Variants in DNAJC1 observed in about 807,000 individuals in gnomAD.
DNAJC1 encodes the protein DnaJ heat shock protein family (Hsp40) member C1.
In DNAJC1, 58 loss-of-function variants were observed where a neutral mutation model predicts 76.6. The ratio of observed to expected loss-of-function variants is 0.76; its 90% confidence interval spans 0.61 to 0.94. The LOEUF is 0.94. Among genes scored for constraint, DNAJC1 ranks in the 40% least tolerant of loss-of-function variants. The pLI is 0.00. For synonymous variants in DNAJC1, 258 were observed against 267.9 expected (o/e 0.96, Z 0.36); for missense variants, 689 against 677.3 (o/e 1.02, Z -0.19).
chr10:21,875,044 C>T (rs1051979849), intron 8 of DNAJC1, among the ~76,000 whole-genome samples: 3 of 152,080 alleles, frequency 2.0e-5, no homozygotes, highest in Non-Finnish European at 4.4e-5. Flanking sequence ...CCACACACGG[C>T]TATTTTTTGT....
At chr10:21,998,932 C>A (rs1370936752) in intron 1 of DNAJC1, among the ~76,000 whole-genome samples, 1 of 152,120 alleles carries the variant, frequency 6.6e-6, no homozygotes, top group African/African-American at 2.4e-5. Flanking sequence ...AAAAAGCTAC[C>A]ATCTGTCCTA....
intron 7 of DNAJC1, among the ~76,000 whole-genome samples, chr10:21,890,455 T>G (rs1029519691): frequency 2.0e-5 from 3 of 149,432 alleles, no homozygotes; most frequent in Admixed American, 6.7e-5. Flanking sequence ...GGAAGCCTAC[T>G]GAAGAATCAG....
intron 9 of DNAJC1, among the ~76,000 whole-genome samples, chr10:21,787,533 C>T (rs970836832): frequency 1.3e-5 from 2 of 152,086 alleles, no homozygotes; most frequent in African/African-American, 4.8e-5. Flanking sequence ...ATGAATAAAC[C>T]ACTACATTTT....
At chr10:21,948,783 T>C (rs371553466) in intron 1 of DNAJC1, among the ~76,000 whole-genome samples, 72 of 152,306 alleles carry the variant, frequency 4.7e-4, no homozygotes, top group African/African-American at 1.7e-3. Context: ...AACGGGAGAC[T>C]ACTGGACATT....
At chr10:22,002,858 TAA>T (rs555296824) in intron 1 of DNAJC1, among the ~76,000 whole-genome samples, 18 of 137,332 alleles carry the variant, frequency 1.3e-4, no homozygotes, top group East Asian at 4.2e-4. Flanking sequence ...GGTGTTAAAT[TAA>T]AAAAAAAAAA....
chr10:22,002,838 G>A (rs533506441), intron 1 of DNAJC1, among the ~76,000 whole-genome samples: 2 of 151,406 alleles, frequency 1.3e-5, no homozygotes, highest in South Asian at 2.1e-4. Context: ...GGACAGGAAG[G>A]CAAAAGGTAG....
chr10:21,920,859 A>C lies in DNAJC1; in HGVS notation c.476T>G (p.Phe159Cys), dbSNP rs1451035898. The C allele has an allele frequency of 6.2e-7, 1 of 1,613,152 alleles. No homozygotes were observed. Among genetic ancestry groups the C allele is most frequent in the Non-Finnish European group, 8.5e-7 (1 of 1,179,386 alleles). The change falls in exon 4 of 12, where the codon TTC becomes TGC. Residue 159 changes from phenylalanine to cysteine, a missense_variant. Phe to Cys is a radical substitution (Grantham distance 205). Transcript: ENST00000376980. ...MSNAELALLL[F>C]IILTVGHYAV... ...ATAATGACCCACTGTGAGAATAATGAACAAGAGTAATGCCAGCTCAGCATT... is the reference window on the plus strand; with the variant it reads ...ATAATGACCCACTGTGAGAATAATGCACAAGAGTAATGCCAGCTCAGCATT...
chr10:21,994,664 G>A lies in DNAJC1; in HGVS notation c.222+8549C>T, dbSNP rs868162450. ...AAATTAGACAGGCATGGTGGCGGGC[G>A]CCTGTAGTCCCAGCTACTGGGGAGG... On this transcript the variant is annotated intron_variant, in intron 1 of 11. Transcript: ENST00000376980. Among the ~76,000 whole-genome samples the A allele has an allele frequency of 3.9e-5, 6 of 152,022 alleles. No individual in the cohort carries two copies. The Middle Eastern group carries it at 0.014, about 345-fold the overall frequency.
At chr10:21,786,933 T>C (rs1488716980) in intron 9 of DNAJC1, among the ~76,000 whole-genome samples, 1 of 152,236 alleles carries the variant, frequency 6.6e-6, no homozygotes, top group Non-Finnish European at 1.5e-5. Context: ...AGGGAGTATG[T>C]AATAAATAAT....
At chr10:21,855,082 T>G (rs1033038494) in intron 8 of DNAJC1, among the ~76,000 whole-genome samples, 3 of 152,198 alleles carry the variant, frequency 2.0e-5, no homozygotes, top group African/African-American at 7.2e-5. Context: ...TTTTTTTGTA[T>G]TGCATTGTTA....
chr10:21,950,712 A>C (rs1837580238), intron 1 of DNAJC1, among the ~76,000 whole-genome samples: 1 of 152,254 alleles, frequency 6.6e-6, no homozygotes, highest in Admixed American at 6.5e-5. Context: ...TACTCCAGTG[A>C]ACACATGAAT....
chr10:21,877,069 G>C (rs558369399), intron 8 of DNAJC1, among the ~76,000 whole-genome samples: 15 of 152,132 alleles, frequency 9.9e-5, no homozygotes, highest in Admixed American at 7.9e-4. Context: ...AAGCCCAGGA[G>C]GTTGGACCAG....
At chr10:21,938,223 AT>A (rs1385041098) in intron 1 of DNAJC1, among the ~76,000 whole-genome samples, 1 of 152,108 alleles carries the variant, frequency 6.6e-6, no homozygotes, top group African/African-American at 2.4e-5. Context: ...ACGATATTTA[AT>A]TTTTAAAGTA....
intron 9 of DNAJC1, among the ~76,000 whole-genome samples, chr10:21,794,197 G>GAGTTCAAAGTTTC (rs1201787568): frequency 6.8e-6 from 1 of 146,696 alleles, no homozygotes; most frequent in African/African-American, 2.6e-5. Context: ...TTCAGCCAAG[G>GAGTTCAAAGTTTC]AGTTCAAAGT....
At chr10:21,811,551 T>C (rs1448774868) in intron 8 of DNAJC1, among the ~76,000 whole-genome samples, 1 of 152,204 alleles carries the variant, frequency 6.6e-6, no homozygotes, top group African/African-American at 2.4e-5. Context: ...AAACCACAAA[T>C]ATTTGGATTT....
chr10:21,765,540 A>G (rs1305355425), intron 10 of DNAJC1, among the ~76,000 whole-genome samples: 2 of 152,192 alleles, frequency 1.3e-5, no homozygotes, highest in Non-Finnish European at 2.9e-5. Context: ...TCTTGGAGGA[A>G]ATTGATTTTA....
intron 8 of DNAJC1, among the ~76,000 whole-genome samples, chr10:21,825,179 C>G (rs1359212641): frequency 6.6e-6 from 1 of 152,216 alleles, no homozygotes; most frequent in African/African-American, 2.4e-5. Flanking sequence ...AGAACCTTCT[C>G]ATCATCCCAA....
chr10:21,888,174 A>G (rs1836398469), intron 7 of DNAJC1, among the ~76,000 whole-genome samples: 1 of 152,212 alleles, frequency 6.6e-6, no homozygotes, highest in African/African-American at 2.4e-5. Context: ...GCAAATCAAA[A>G]CCACAATGAG....
chr10:21,822,699 ATTGTATCATAGT>A (rs1463813238), intron 8 of DNAJC1, among the ~76,000 whole-genome samples: 1 of 152,040 alleles, frequency 6.6e-6, no homozygotes, highest in African/African-American at 2.4e-5. Context: ...ATACATATAT[ATTGTATCATAGT>A]TATGTGATGA....
Sources: allele counts gnomAD v4.1 joint callset (sites outside exome capture counted in the v4.1 genomes callset), GRCh38; gene constraint gnomAD v4.1.1; transcripts MANE v1.5; gene names NCBI Gene and HGNC (gene_info 2026-07-23, HGNC 2026-07-21).